KCNIP4: variants seen among roughly 807,000 people sequenced by gnomAD.
The protein encoded by KCNIP4 is Kv channel-interacting protein 4.
KCNIP4 carries 12 observed loss-of-function variants against 34.0 expected under a neutral mutation model. The observed-to-expected ratio is 0.35, with a 90% confidence interval of 0.23 to 0.57. KCNIP4 has a LOEUF of 0.57. Ranked by LOEUF, KCNIP4 falls within the 20% of genes least tolerant of loss-of-function variation. The probability of loss-of-function intolerance (pLI) is 0.83; values close to 1 mark genes in which losing one functional copy is unlikely to be tolerated. For missense variants in KCNIP4, 238 were observed against 311.7 expected (o/e 0.76, Z 1.78); for synonymous variants, 124 against 102.2 (o/e 1.21, Z -1.29).
At position 21,279,526 on chromosome 4, in the gene KCNIP4, C is replaced by T. The variant is rs113158617; in HGVS notation, c.62-396817G>A. ...ACATACATACATATACACACACACA[C>T]ATATATATATGCCCTACACATCCAT... On this transcript the variant is annotated intron_variant, in intron 1 of 8. Transcript: ENST00000382152. Among the ~76,000 whole-genome samples, 84 of 150,142 alleles carry T rather than the reference C, an allele frequency of 5.6e-4. 1 individual carries two copies. Among genetic ancestry groups the T allele is most frequent in the African/African-American group, 1.6e-3 (64 of 40,990 alleles).
chr4:20,982,814 T>A (rs1736201689), intron 1 of KCNIP4, among the ~76,000 whole-genome samples: 1 of 152,220 alleles, frequency 6.6e-6, no homozygotes. Flanking sequence ...CATAGGCAAG[T>A]TTAAATATTT....
intron 1 of KCNIP4, among the ~76,000 whole-genome samples, chr4:21,153,519 A>G (rs1308505318): frequency 4.5e-3 from 82 of 18,256 alleles, no homozygotes; most frequent in Middle Eastern, 0.045. Flanking sequence ...GTGTGTGTAT[A>G]TATATATATA....
rs1232859183 is a variant in KCNIP4, at chr4:20,730,269, T to C, written c.706-140A>G. Reference sequence around the variant, plus strand: ...AGCTCAAATATTAAGTGTTTGCAAATGTAAATGCCATTCTATTCTATCCAT... The same window carrying C: ...AGCTCAAATATTAAGTGTTTGCAAACGTAAATGCCATTCTATTCTATCCAT... On this transcript the variant is annotated intron_variant, in intron 8 of 8. Coordinates refer to ENST00000382152, the MANE Select transcript of KCNIP4 (RefSeq NM_025221.6). 8 of 1,063,476 alleles carry C rather than the reference T, an allele frequency of 7.5e-6. No homozygotes were observed. The East Asian group carries it at 1.4e-4, about 19-fold the overall frequency. 65.9% of individuals were successfully genotyped at this position (1,063,476 alleles called of 1,614,324 possible).
At chr4:20,730,219 A>AACCACCTCAACC in intron 8 of KCNIP4, 90 bp from the exon 9 acceptor site, 2 of 1,398,128 alleles carry the variant, frequency 1.4e-6, no homozygotes, top group Non-Finnish European at 1.9e-6. Flanking sequence ...TCCTCCCATC[A>AACCACCTCAACC]ACCACCTCAA....
intron 1 of KCNIP4, among the ~76,000 whole-genome samples, chr4:20,972,097 G>T (rs1296076802): frequency 6.6e-6 from 1 of 152,088 alleles, no homozygotes; most frequent in Non-Finnish European, 1.5e-5. Context: ...TCTAATTCTA[G>T]TTCTCTTGCT....
intron 1 of KCNIP4, among the ~76,000 whole-genome samples, chr4:21,941,016 G>A (rs1269238246): frequency 6.6e-6 from 1 of 152,044 alleles, no homozygotes; most frequent in Non-Finnish European, 1.5e-5. Flanking sequence ...TGGATAAAAG[G>A]TATGGGCTAG....
rs574151346 is a variant in KCNIP4, at chr4:20,757,155, A to G, written c.358+1666T>C. On this transcript the variant is annotated intron_variant, in intron 4 of 8. Coordinates refer to ENST00000382152, the MANE Select transcript of KCNIP4 (RefSeq NM_025221.6). The stretch of plus-strand genomic sequence containing the variant: ...TGATGGAATCCTGGAAGGTATCACA[A>G]ACTCCTCTCTTCATCTCTTTATGCC... 1.3e-3 allele frequency among the ~76,000 whole-genome samples: 192 copies of G among 152,132 alleles called. 1 individual carries two copies. The highest frequency in any genetic ancestry group is 4.3e-3 in the African/African-American group (177 of 41,508).
At chr4:21,247,820 TACAC>T (rs1553845733) in intron 1 of KCNIP4, among the ~76,000 whole-genome samples, 2 of 101,176 alleles carry the variant, frequency 2.0e-5, no homozygotes, top group African/African-American at 9.0e-5. Context: ...TATATATATA[TACAC>T]ACACACACAG....
At chr4:21,943,640 G>A (rs368048884) in intron 1 of KCNIP4, among the ~76,000 whole-genome samples, 11 of 152,246 alleles carry the variant, frequency 7.2e-5, no homozygotes, top group Non-Finnish European at 1.2e-4. Flanking sequence ...CATGATTTTC[G>A]TAGGAGCCTT....
chr4:21,390,315 C>T (rs1235770972), intron 1 of KCNIP4, among the ~76,000 whole-genome samples: 2 of 152,100 alleles, frequency 1.3e-5, no homozygotes, highest in Admixed American at 6.5e-5. Context: ...ACTTAGATCC[C>T]AATTGTCAAT....
chr4:21,653,647 T>C (rs184290284), intron 1 of KCNIP4, among the ~76,000 whole-genome samples: 75 of 152,352 alleles, frequency 4.9e-4, no homozygotes, highest in Admixed American at 2.4e-3. Flanking sequence ...TAACAACAGC[T>C]ACTACTTATT....
At chr4:21,455,808 CATATATATATATATATATAT>C (rs1171436191) in intron 1 of KCNIP4, among the ~76,000 whole-genome samples, 25 of 71,906 alleles carry the variant, frequency 3.5e-4, no homozygotes, top group Non-Finnish European at 4.8e-4. Context: ...TACAGATATT[CATATATATATATATATATAT>C]ATATATATAT....
chr4:21,644,932 T>A (rs1159265158), intron 1 of KCNIP4, among the ~76,000 whole-genome samples: 15 of 152,136 alleles, frequency 9.9e-5, no homozygotes, highest in Admixed American at 9.8e-4. Flanking sequence ...TGTTTGCAAA[T>A]AAATATCTGA....
chr4:21,041,897 C>A (rs758425127), intron 1 of KCNIP4, among the ~76,000 whole-genome samples: 4 of 152,094 alleles, frequency 2.6e-5, no homozygotes, highest in Admixed American at 2.6e-4. Flanking sequence ...CTCAGTAGAA[C>A]CGTGTTTGAT....
chr4:20,951,986 A>G (rs1359079092), intron 1 of KCNIP4, among the ~76,000 whole-genome samples: 1 of 152,212 alleles, frequency 6.6e-6, no homozygotes, highest in African/African-American at 2.4e-5. Context: ...GCTTACTGCT[A>G]CACCTCTTCC....
chr4:20,839,270 A>G (rs1719432108), intron 3 of KCNIP4, among the ~76,000 whole-genome samples: 1 of 152,078 alleles, frequency 6.6e-6, no homozygotes, highest in African/African-American at 2.4e-5. Context: ...CATGTACCCA[A>G]ATTCAACTAT....
intron 1 of KCNIP4, among the ~76,000 whole-genome samples, chr4:21,702,071 T>C (rs916471079): frequency 2.0e-5 from 3 of 152,126 alleles, no homozygotes; most frequent in East Asian, 1.9e-4. Flanking sequence ...GGATAATAGA[T>C]ATGTTGTTCA....
chr4:21,338,061 G>C (rs1716355017), intron 1 of KCNIP4, among the ~76,000 whole-genome samples: 1 of 151,906 alleles, frequency 6.6e-6, no homozygotes, highest in African/African-American at 2.4e-5. Flanking sequence ...CTTCAAGATA[G>C]CTCCTTTATC....
chr4:20,813,052 T>C (rs73802344), intron 3 of KCNIP4, among the ~76,000 whole-genome samples: 4,338 of 152,262 alleles, frequency 0.028, 170 homozygotes, highest in African/African-American at 0.088. Flanking sequence ...TAAGTGATGT[T>C]GGAAAAATTG....
Sources: allele counts gnomAD v4.1 joint callset (sites outside exome capture counted in the v4.1 genomes callset), GRCh38; gene constraint gnomAD v4.1.1; transcripts MANE v1.5; gene names NCBI Gene and HGNC (gene_info 2026-07-23, HGNC 2026-07-21).